The following EPS8 variants were observed in gnomAD, a reference collection of about 807,000 sequenced individuals.
EPS8 encodes the protein EGFR pathway substrate 8, signaling adaptor, also known as epidermal growth factor receptor kinase substrate 8.
Under a neutral mutation model 103.8 loss-of-function variants are expected in EPS8, and 42 were observed. The observed-to-expected ratio is 0.40, with a 90% CI of 0.32 to 0.52. The LOEUF (loss-of-function observed/expected upper bound fraction) is 0.52. Among genes scored for constraint, EPS8 ranks in the 20% least tolerant of loss-of-function variants. The pLI is 0.40. For synonymous variants in EPS8, 344 were observed against 344.6 expected (o/e 1.00, Z 0.02); for missense variants, 969 against 1,005.1 (o/e 0.96, Z 0.49).
intron 3 of EPS8, among the ~76,000 whole-genome samples, chr12:15,675,886 C>A (rs1565494353): frequency 6.6e-6 from 1 of 152,180 alleles, no homozygotes; most frequent in Admixed American, 6.5e-5. Context: ...AATACCCACA[C>A]TTAAATAAAT....
chr12:15,627,090 C>T (rs949145232), intron 18 of EPS8, among the ~76,000 whole-genome samples: 7 of 152,148 alleles, frequency 4.6e-5, no homozygotes, highest in African/African-American at 1.7e-4. Context: ...ACCTCCGCCT[C>T]CTGGGTTCAA....
At chr12:15,674,859 A>AG (rs1419890364) in intron 3 of EPS8, among the ~76,000 whole-genome samples, 3 of 151,910 alleles carry the variant, frequency 2.0e-5, no homozygotes, top group Non-Finnish European at 4.4e-5. Flanking sequence ...TGTTAAAAAA[A>AG]AAGATTTCAA....
chr12:15,627,338 A>G (rs922533614), intron 18 of EPS8, among the ~76,000 whole-genome samples: 1 of 152,182 alleles, frequency 6.6e-6, no homozygotes, highest in Non-Finnish European at 1.5e-5. Flanking sequence ...TCCTTTCATT[A>G]AAATATAAGC....
At position 15,745,083 on chromosome 12, in the gene EPS8, G is replaced by T. The variant is rs1033106347; in HGVS notation, c.-22+44078C>A. 6.6e-6 allele frequency among the ~76,000 whole-genome samples: 1 copy of T among 152,004 alleles called. No homozygotes were observed. Among genetic ancestry groups the T allele is most frequent in the Non-Finnish European group, 1.5e-5 (1 of 67,990 alleles). On this transcript the variant is annotated intron_variant, in intron 1 of 20. Transcript: ENST00000281172. This position sits in a 1 kb window ranked among gnomAD's most constrained non-coding sequence, Gnocchi z 4.6. ...TCACCACGTTGGACAGGATGGTCTC[G>T]ATCTCCTGACCTCGTGATCCACCCA...
rs1349765711 is a variant in EPS8 at position 15,757,461 on chromosome 12, T to A, written c.-22+31700A>T. 1.3e-5 allele frequency among the ~76,000 whole-genome samples: 2 copies of A among 151,978 alleles called. No homozygotes were observed. The highest frequency in any genetic ancestry group is 4.8e-5 in the African/African-American group (2 of 41,360). On this transcript the variant is annotated intron_variant, in intron 1 of 20. Coordinates refer to ENST00000281172, the MANE Select transcript of EPS8 (RefSeq NM_004447.6). The surrounding 1 kb of genome is among the most constrained non-coding windows in gnomAD (Gnocchi z 4.1). ...CTGGCCAACACGGTGAAACCTCATC[T>A]CTACTAAAAAATACAAAAATTAGCT...
chr12:15,623,617 G>A (rs1944896667), intron 19 of EPS8, among the ~76,000 whole-genome samples: 1 of 152,122 alleles, frequency 6.6e-6, no homozygotes, highest in South Asian at 2.1e-4. Context: ...ACTAACCATT[G>A]TATCTCATTT....
rs1268225542 is a variant in EPS8, at chr12:15,776,131, T to C, written c.-22+13030A>G. On this transcript the variant is annotated intron_variant, in intron 1 of 20. Transcript: ENST00000281172. The surrounding 1 kb of genome is among the most constrained non-coding windows in gnomAD (Gnocchi z 4.2). ...TATTTCTCTCCAGCAATTTTTCTTT[T>C]AAAAGAAATTTTTGCCCAAGTATTC... Among the ~76,000 whole-genome samples, 3 of 152,184 alleles carry C rather than the reference T, an allele frequency of 2.0e-5. No individual in the cohort carries two copies. The highest frequency in any genetic ancestry group is 4.4e-5 in the Non-Finnish European group (3 of 68,016).
At position 15,731,985 on chromosome 12, in the gene EPS8, T is replaced by C. The variant is rs1946721593; in HGVS notation, c.-21-49013A>G. 1.3e-5 allele frequency among the ~76,000 whole-genome samples: 2 copies of C among 152,148 alleles called. No homozygotes were observed. The highest frequency in any genetic ancestry group is 1.5e-5 in the Non-Finnish European group (1 of 68,030). On this transcript the variant is annotated intron_variant, in intron 1 of 20. Coordinates refer to ENST00000281172, the MANE Select transcript of EPS8 (RefSeq NM_004447.6). The surrounding 1 kb of genome is among the most constrained non-coding windows in gnomAD (Gnocchi z 5.1). ...AAAGGAAACAAACTGAAAAGGTAGATTTTTTTCTTTCAAACTGGCTACTAC... is the reference window on the plus strand; with the variant it reads ...AAAGGAAACAAACTGAAAAGGTAGACTTTTTTCTTTCAAACTGGCTACTAC...
In EPS8 at chr12:15,778,300, G is replaced by A. The variant is rs907339630; in HGVS notation, c.-22+10861C>T. The stretch of plus-strand genomic sequence containing the variant: ...GCATACGCATTAATCCCACACCTTT[G>A]CATGCATGAGTATCATGTGAATAAT... On this transcript the variant is annotated intron_variant, in intron 1 of 20. Coordinates refer to ENST00000281172, the MANE Select transcript of EPS8 (RefSeq NM_004447.6). The surrounding 1 kb of genome is among the most constrained non-coding windows in gnomAD (Gnocchi z 4.5). Among the ~76,000 whole-genome samples, 1 of 152,252 alleles carries A rather than the reference G, an allele frequency of 6.6e-6. No homozygotes were observed. The highest frequency in any genetic ancestry group is 2.4e-5 in the African/African-American group (1 of 41,554).
chr12:15,629,714 T>G (rs1437745812), intron 18 of EPS8, among the ~76,000 whole-genome samples: 1 of 152,234 alleles, frequency 6.6e-6, no homozygotes, highest in East Asian at 1.9e-4. Flanking sequence ...TCATTTAAAT[T>G]GGACATACCG....
In EPS8 at chr12:15,650,926, A is replaced by C. The variant is rs1483957036; in HGVS notation, c.1331T>G (p.Phe444Cys). The C allele has an allele frequency of 6.2e-7, 1 of 1,614,120 alleles. No homozygotes were observed. The highest frequency in any genetic ancestry group is 1.7e-5 in the Admixed American group (1 of 60,026). ...RNGWEPPMLNFMGATMEQDLY... is the reference protein window; with the variant it reads ...RNGWEPPMLNCMGATMEQDLY... ...ATCTTGTTCCATTGTGGCTCCCATA[A>C]AGTTCAGCATTGGGGGCTCCCAGCC... The change falls in exon 14 of 21, where the codon TTT (phenylalanine) becomes TGT (cysteine). Residue 444 changes from phenylalanine (F) to cysteine (C), a missense_variant. Phe to Cys is a radical substitution (Grantham distance 205). Transcript: ENST00000281172.
chr12:15,663,944 A>AAAAAAAT (rs1555112203), intron 8 of EPS8, among the ~76,000 whole-genome samples: 10 of 85,962 alleles, frequency 1.2e-4, no homozygotes, highest in African/African-American at 4.5e-4. Flanking sequence ...AAAAAAAAAA[A>AAAAAAAT]AATAATATAT....
rs375718685 is a variant in EPS8, at chr12:15,699,059, T to C, written c.-21-16087A>G. On this transcript the variant is annotated intron_variant, in intron 1 of 20. Transcript: ENST00000281172. ...CCTACAAATGATCCCTCCACCGATG[T>C]GACTGCCCCTGCAAACCTTACAGAA... 1.7e-4 allele frequency among the ~76,000 whole-genome samples: 26 copies of C among 152,286 alleles called. 1 individual carries two copies. Among genetic ancestry groups the C allele is most frequent in the African/African-American group, 5.8e-4 (24 of 41,556 alleles).
intron 1 of EPS8, among the ~76,000 whole-genome samples, chr12:15,768,712 A>T (rs112156003): frequency 3.9e-5 from 6 of 152,252 alleles, no homozygotes; most frequent in African/African-American, 1.4e-4. Context: ...ACACAGGGAA[A>T]AACTTTTTTT....
chr12:15,715,528 G>C (rs1216360324), intron 1 of EPS8, among the ~76,000 whole-genome samples: 1 of 151,776 alleles, frequency 6.6e-6, no homozygotes, highest in African/African-American at 2.4e-5. Flanking sequence ...GGGACTACTG[G>C]TGTGCGCCAC....
chr12:15,748,912 A>G lies in EPS8; in HGVS notation c.-22+40249T>C, dbSNP rs1246163699. Among the ~76,000 whole-genome samples the G allele has an allele frequency of 1.3e-5, 2 of 152,206 alleles. No individual in the cohort carries two copies. The highest frequency in any genetic ancestry group is 2.9e-5 in the Non-Finnish European group (2 of 68,026). ...CTTGCTAATCCAGAATATAAAACGT[A>G]TAGTCTTCTCTTCCTTTCATACCAT... On this transcript the variant is annotated intron_variant, in intron 1 of 20. Transcript: ENST00000281172. This position sits in a 1 kb window ranked among gnomAD's most constrained non-coding sequence, Gnocchi z 4.8.
At chr12:15,670,345 AC>A (rs1337729651) in intron 4 of EPS8, among the ~76,000 whole-genome samples, 4 of 152,194 alleles carry the variant, frequency 2.6e-5, no homozygotes. Context: ...AGCATGCTTG[AC>A]ATAGGTAGAA....
chr12:15,640,722 G>T lies in EPS8; in HGVS notation c.1802C>A (p.Pro601His). 6.2e-7 allele frequency: 1 copy of T among 1,613,890 alleles called. No individual in the cohort carries two copies. The highest frequency in any genetic ancestry group is 1.1e-5 in the South Asian group (1 of 91,076). ...PESGLGRADP[P>H]YTHTIQKQRM... ...GCTCACCTGTATAGTATGAGTATAA[G>T]GTGGATCAGCACGCCCCAATCCAGA... Residue 601 changes from proline to histidine, a missense_variant, in exon 17 of 21, where the codon CCT becomes CAT. Pro to His is a moderately conservative substitution (Grantham distance 77, BLOSUM62 -2). Transcript: ENST00000281172.
Position 15,658,529 on chromosome 12 carries a change from A to G in EPS8, c.994T>C (p.Phe332Leu). ...PPPPDEFLDC[F>L]QKFKHGFNLL... ...TTAAATCCGTGTTTAAACTTTTGGA[A>G]ACAGTCAAGAAATTCATCAGGAGGT... Residue 332 changes from phenylalanine to leucine, a missense_variant, in exon 11 of 21, where the codon TTC becomes CTC. Transcript: ENST00000281172. 6.2e-7 allele frequency: 1 copy of G among 1,613,126 alleles called. No individual in the cohort carries two copies. The highest frequency in any genetic ancestry group is 8.5e-7 in the Non-Finnish European group (1 of 1,179,210).
Sources: gnomAD v4.1 joint callset for allele counts (sites outside exome capture counted in the v4.1 genomes callset) on GRCh38, gnomAD v4.1.1 for gene constraint, Gnocchi (gnomAD v3.1) non-coding constraint, MANE v1.5 for transcripts, NCBI Gene and HGNC (gene_info 2026-07-23, HGNC 2026-07-21) for gene names.